GASK1B: variants seen among roughly 807,000 people sequenced by gnomAD.
GASK1B encodes the protein Golgi-associated kinase 1B.
In GASK1B, 34 loss-of-function variants were observed where a neutral mutation model predicts 42.8. The ratio of observed to expected loss-of-function variants is 0.79; its 90% confidence interval spans 0.60 to 1.06. The LOEUF (loss-of-function observed/expected upper bound fraction) is 1.06. Ranked by LOEUF, GASK1B falls within the 50% of genes least tolerant of loss-of-function variation. The probability of loss-of-function intolerance (pLI) is 0.00; values close to 1 mark genes in which losing one functional copy is unlikely to be tolerated. For missense variants in GASK1B, 686 were observed against 661.0 expected (o/e 1.04, Z -0.42); for synonymous variants, 262 against 259.1 (o/e 1.01, Z -0.11).
chr4:158,169,968 A>AG lies in GASK1B; in HGVS notation c.910+497_910+498insC, dbSNP rs571962264. The AG allele has an allele frequency of 6.5e-3, 2,900 of 446,270 alleles. 57 individuals carry two copies. The highest frequency in any genetic ancestry group is 0.047 in the African/African-American group (2,370 of 50,208). The allele number at this position is 446,270 out of a possible 1,614,324, so 27.6% of individuals were successfully genotyped here. On this transcript the variant is annotated intron_variant, in intron 2 of 4. Transcript: ENST00000585682. ...AAGAGGTTAAATCCATTGAAAAAAA[A>AG]AGGGGGGGTTAAACCTAACATGGTC...
chr4:158,162,222 G>A (rs1732046753), intron 2 of GASK1B, among the ~76,000 whole-genome samples: 1 of 152,036 alleles, frequency 6.6e-6, no homozygotes, highest in African/African-American at 2.4e-5. Context: ...CTCCCTCTCT[G>A]TGCCTACAGG....
chr4:158,157,211 C>A (rs1579039524), intron 2 of GASK1B, among the ~76,000 whole-genome samples: 1 of 152,152 alleles, frequency 6.6e-6, no homozygotes, highest in Non-Finnish European at 1.5e-5. Context: ...TAGGCCAGGG[C>A]ATGTGGAAAG....
At chr4:158,156,650 C>T (rs1430196878) in intron 2 of GASK1B, among the ~76,000 whole-genome samples, 1 of 152,150 alleles carries the variant, frequency 6.6e-6, no homozygotes, top group Non-Finnish European at 1.5e-5. Flanking sequence ...ACACATTAAA[C>T]AACACTTTAA....
intron 3 of GASK1B, among the ~76,000 whole-genome samples, chr4:158,153,366 T>A (rs1731630988): frequency 6.6e-6 from 1 of 152,224 alleles, no homozygotes; most frequent in Non-Finnish European, 1.5e-5. Flanking sequence ...CACAAACCAA[T>A]GGTAACACAT....
At chr4:158,161,333 C>T (rs575144754) in intron 2 of GASK1B, among the ~76,000 whole-genome samples, 4 of 152,162 alleles carry the variant, frequency 2.6e-5, no homozygotes, top group East Asian at 3.9e-4. Context: ...CAGGTCTCTG[C>T]GTGATTCCAA....
At chr4:158,171,861 G>A (rs966509326) in intron 1 of GASK1B, among the ~76,000 whole-genome samples, 1 of 152,150 alleles carries the variant, frequency 6.6e-6, no homozygotes, top group Non-Finnish European at 1.5e-5. Flanking sequence ...TGAAGCAAAA[G>A]CGTTAAAATG....
intron 3 of GASK1B, among the ~76,000 whole-genome samples, chr4:158,151,324 T>A (rs1214352155): frequency 6.6e-6 from 1 of 152,164 alleles, no homozygotes; most frequent in Non-Finnish European, 1.5e-5. Context: ...GGAAAATAAG[T>A]TACATGGCCA....
At chr4:158,170,340 T>C (rs1732425058) in intron 2 of GASK1B, 126 bp downstream of exon 2, 1 of 1,614,078 alleles carries the variant, frequency 6.2e-7, no homozygotes, top group Admixed American at 1.7e-5. Flanking sequence ...GACACGCTGC[T>C]GCTGCTGCTG....
rs1292806891 is a variant in GASK1B, at chr4:158,124,837, A to T, written c.*2570T>A. 1 of 152,214 alleles carries T rather than the reference A, an allele frequency of 6.6e-6. No homozygotes were observed. The highest frequency in any genetic ancestry group is 1.5e-5 in the Non-Finnish European group (1 of 68,036). The allele number at this position is 152,214 out of a possible 1,614,324, so 9.4% of individuals were successfully genotyped here. A position where few individuals can be genotyped will look rare whatever the true frequency, so the allele number is the denominator to read the frequency against. On this transcript the variant is annotated 3_prime_UTR_variant, in exon 5 of 5. Transcript: ENST00000585682. ...CAAAAGCAAATGAACTCATCTGCAA[A>T]ATAAAAAGCACATATCTTTAATTTC...
Position 158,155,603 on chromosome 4 carries a change from A to T in GASK1B, c.1125+8T>A. 1 of 1,610,956 alleles carries T rather than the reference A, an allele frequency of 6.2e-7. No homozygotes were observed. The highest frequency in any genetic ancestry group is 1.1e-5 in the South Asian group (1 of 90,960). Reference sequence around the variant, plus strand: ...TAGATAACTATTTGCTTGATTTGATAAACTTACCTGTAACAAAAAATCAAA... The same window carrying T: ...TAGATAACTATTTGCTTGATTTGATTAACTTACCTGTAACAAAAAATCAAA... On this transcript the variant is annotated splice_region_variant and intron_variant, in intron 3 of 4. Transcript: ENST00000585682.
In GASK1B at chr4:158,127,592, C is replaced by G. The variant is rs757541102; in HGVS notation, c.1375G>C (p.Val459Leu). ...TGCCGTAAGTGCTGGCTCTTCAAAA[C>G]AGAAACTGCAGAAGCTGGAAACCTG... is the stretch of plus-strand genomic sequence containing the variant. ...IKEFPASAVS[V>L]LKSQHLRQKL... is the part of the protein sequence containing the mutation. Residue 459 changes from valine to leucine, a missense_variant, in exon 5 of 5, where the codon GTT (valine) becomes CTT (leucine). Physicochemically the swap from Val to Leu is conservative, Grantham distance 32 (BLOSUM62 1). Transcript: ENST00000585682. The G allele has an allele frequency of 9.3e-6, 15 of 1,612,826 alleles. No individual in the cohort carries two copies. The South Asian group carries it at 1.6e-4, about 18-fold the overall frequency.
In GASK1B at chr4:158,171,047, G is replaced by C. The variant is rs754695077; in HGVS notation, c.329C>G (p.Thr110Ser). The C allele has an allele frequency of 6.2e-7, 1 of 1,613,726 alleles. No individual in the cohort carries two copies. Among genetic ancestry groups the C allele is most frequent in the South Asian group, 1.1e-5 (1 of 91,064 alleles). ...STLQPNVVYI[T>S]LRSKRSKPAN... Reference sequence around the variant, plus strand: ...CGGCTTGCTGCGCTTGGAGCGTAGGGTAATGTACACCACATTGGGCTGCAG... The same window carrying C: ...CGGCTTGCTGCGCTTGGAGCGTAGGCTAATGTACACCACATTGGGCTGCAG... Residue 110 changes from threonine to serine, a missense_variant, in exon 2 of 5, where the codon ACC becomes AGC. Transcript: ENST00000585682.
At position 158,171,023 on chromosome 4, in the gene GASK1B, G is replaced by C. The variant is rs765182733; in HGVS notation, c.353C>G (p.Pro118Arg). Residue 118 changes from proline (P) to arginine (R), a missense_variant, in exon 2 of 5, where the codon CCG becomes CGG. Transcript: ENST00000585682. ...CTTCACGGTGCCACGGATATTGGCC[G>C]GCTTGCTGCGCTTGGAGCGTAGGGT... ...YITLRSKRSK[P>R]ANIRGTVKPK... 1.2e-6 allele frequency: 2 copies of C among 1,613,870 alleles called. No individual in the cohort carries two copies. The highest frequency in any genetic ancestry group is 2.7e-5 in the African/African-American group (2 of 74,942).
chr4:158,156,467 G>T (rs1439423882), intron 2 of GASK1B, among the ~76,000 whole-genome samples: 1 of 152,130 alleles, frequency 6.6e-6, no homozygotes, highest in Non-Finnish European at 1.5e-5. Flanking sequence ...GTGCATTTAA[G>T]CAAATGTCAG....
intron 3 of GASK1B, among the ~76,000 whole-genome samples, chr4:158,146,710 T>C (rs1023670108): frequency 4.6e-5 from 7 of 152,148 alleles, no homozygotes; most frequent in African/African-American, 1.7e-4. Context: ...AGTGACACAA[T>C]ACAGTGTCTC....
intron 2 of GASK1B, among the ~76,000 whole-genome samples, chr4:158,166,513 C>G (rs1406479135): frequency 6.6e-6 from 1 of 152,180 alleles, no homozygotes; most frequent in African/African-American, 2.4e-5. Flanking sequence ...ATCACATATC[C>G]ATTTCATAAT....
chr4:158,134,977 T>C (rs918976814), intron 3 of GASK1B, among the ~76,000 whole-genome samples: 4 of 152,212 alleles, frequency 2.6e-5, no homozygotes, highest in African/African-American at 9.7e-5. Flanking sequence ...ATCTTCTTTT[T>C]CCTCAAAACA....
intron 2 of GASK1B, among the ~76,000 whole-genome samples, chr4:158,163,570 GA>G (rs75931814): frequency 0.018 from 1,824 of 102,314 alleles, 30 homozygotes; most frequent in African/African-American, 0.04. Context: ...CTCTGTCTCA[GA>G]AAAAAAAAAA....
intron 3 of GASK1B, among the ~76,000 whole-genome samples, chr4:158,149,930 T>TTTTTTTTTTTG (rs950690541): frequency 2.7e-5 from 3 of 109,612 alleles, no homozygotes; most frequent in African/African-American, 1.0e-4. Context: ...CTGCTTTTTT[T>TTTTTTTTTTTG]TTTTTTTTTT....
Sources: allele counts gnomAD v4.1 joint callset (sites outside exome capture counted in the v4.1 genomes callset), GRCh38; gene constraint gnomAD v4.1.1; transcripts MANE v1.5; gene names NCBI Gene and HGNC (gene_info 2026-07-23, HGNC 2026-07-21).